The following RBFOX1 variants were observed in gnomAD, a reference collection of about 807,000 sequenced individuals.
The protein encoded by RBFOX1 is RNA binding fox-1 homolog 1, also known as RNA binding protein fox-1 homolog 1.
RBFOX1 carries 8 observed loss-of-function variants against 57.7 expected under a neutral mutation model. That is an observed-to-expected ratio of 0.14 (90% CI 0.08 to 0.25). The LOEUF (loss-of-function observed/expected upper bound fraction) is 0.25. Among genes scored for constraint, RBFOX1 ranks in the 10% least tolerant of loss-of-function variants. The pLI is 1.00. For missense variants in RBFOX1, 611 were observed against 548.5 expected (o/e 1.11, Z -1.14); for synonymous variants, 326 against 222.4 (o/e 1.47, Z -4.15).
chr16:7,308,583 G>A (rs2096245698), intron 4 of RBFOX1, among the ~76,000 whole-genome samples: 2 of 152,168 alleles, frequency 1.3e-5, no homozygotes, highest in Admixed American at 6.5e-5. Context: ...TGATCCATGT[G>A]GTTTGTTTTA....
intron 4 of RBFOX1, among the ~76,000 whole-genome samples, chr16:5,881,494 A>C (rs576279208): frequency 3.5e-4 from 53 of 152,116 alleles, no homozygotes; most frequent in African/African-American, 1.3e-3. Context: ...AACCTGGCCA[A>C]CATGATGAAA....
chr16:7,467,827 T>C (rs2060809330), intron 4 of RBFOX1, among the ~76,000 whole-genome samples: 1 of 152,210 alleles, frequency 6.6e-6, no homozygotes, highest in South Asian at 2.1e-4. Context: ...TACAGAGTCC[T>C]TCTTTGTTTC....
chr16:5,550,332 T>C (rs2045411726), intron 2 of RBFOX1, among the ~76,000 whole-genome samples: 1 of 152,134 alleles, frequency 6.6e-6, no homozygotes, highest in South Asian at 2.1e-4. Context: ...TTTCCCTGTC[T>C]TACCCACCAC....
intron 1 of RBFOX1, among the ~76,000 whole-genome samples, chr16:5,301,618 C>CAAAAAAAAAAAAAAAAAA (rs60501583): frequency 1.1e-5 from 1 of 87,050 alleles, no homozygotes; most frequent in Non-Finnish European, 2.1e-5. Context: ...GTCTCCATCT[C>CAAAAAAAAAAAAAAAAAA]AAAAAAAAAA....
chr16:6,023,859 C>A (rs754046388), intron 1 of RBFOX1, among the ~76,000 whole-genome samples: 4 of 152,194 alleles, frequency 2.6e-5, no homozygotes. Context: ...TGTCTACCTC[C>A]ATTATTTAAA....
chr16:7,506,481 G>A (rs903400185), intron 4 of RBFOX1, among the ~76,000 whole-genome samples: 7 of 152,080 alleles, frequency 4.6e-5, no homozygotes, highest in African/African-American at 1.7e-4. Context: ...TATGCTTGGT[G>A]CTTAGAACAA....
At chr16:7,684,708 T>C (rs1048898711) in intron 14 of RBFOX1, among the ~76,000 whole-genome samples, 4 of 152,106 alleles carry the variant, frequency 2.6e-5, no homozygotes, top group African/African-American at 9.7e-5. Flanking sequence ...ATTTAAAATT[T>C]TAGAATGTAT....
intron 5 of RBFOX1, among the ~76,000 whole-genome samples, chr16:7,551,091 AAAAAAAAAAAAAAAG>A (rs1291827374): frequency 1.4e-5 from 2 of 147,806 alleles, no homozygotes; most frequent in Admixed American, 1.3e-4. Context: ...CGAGACTCAA[AAAAAAAAAAAAAAAG>A]AAAAAAAAAG....
At chr16:6,829,428 A>T (rs552627493) in intron 3 of RBFOX1, among the ~76,000 whole-genome samples, 4 of 149,472 alleles carry the variant, frequency 2.7e-5, no homozygotes, top group South Asian at 4.3e-4. Flanking sequence ...CTATTTGTAG[A>T]TTTCTTGGGT....
intron 1 of RBFOX1, among the ~76,000 whole-genome samples, chr16:6,263,878 G>T (rs919913592): frequency 6.6e-6 from 1 of 152,194 alleles, no homozygotes; most frequent in Admixed American, 6.5e-5. Context: ...AGTGTTGGTA[G>T]CAGTGGCCAC....
At chr16:6,637,745 C>A (rs888417333) in intron 2 of RBFOX1, among the ~76,000 whole-genome samples, 2 of 151,514 alleles carry the variant, frequency 1.3e-5, no homozygotes, top group African/African-American at 4.9e-5. Context: ...TGTAATACAT[C>A]TACATCTCTT....
At chr16:7,598,703 G>A (rs2094843568) in intron 9 of RBFOX1, among the ~76,000 whole-genome samples, 2 of 152,090 alleles carry the variant, frequency 1.3e-5, no homozygotes, top group Non-Finnish European at 1.5e-5. Flanking sequence ...ATTTTTATGT[G>A]AATGATATAA....
At chr16:6,022,830 C>G (rs79582149) in intron 1 of RBFOX1, among the ~76,000 whole-genome samples, 2,049 of 152,228 alleles carry the variant, frequency 0.013, 49 homozygotes, top group African/African-American at 0.046. Flanking sequence ...TACCTTGATC[C>G]AGTTTTTAGA....
At chr16:6,403,529 A>T (rs1201402320) in intron 2 of RBFOX1, among the ~76,000 whole-genome samples, 1 of 151,926 alleles carries the variant, frequency 6.6e-6, no homozygotes, top group Non-Finnish European at 1.5e-5. Context: ...ACAGTTGCCT[A>T]ATTTTTTAAT....
intron 4 of RBFOX1, among the ~76,000 whole-genome samples, chr16:7,141,931 C>G (rs962074263): frequency 2.0e-5 from 3 of 152,188 alleles, no homozygotes; most frequent in Admixed American, 6.5e-5. Flanking sequence ...CCCCTTCCCC[C>G]TTAAGATGTT....
intron 14 of RBFOX1, among the ~76,000 whole-genome samples, chr16:7,700,931 T>C (rs2080477321): frequency 6.6e-6 from 1 of 152,116 alleles, no homozygotes; most frequent in Non-Finnish European, 1.5e-5. Flanking sequence ...GATGCCACAG[T>C]GTTGGATTTG....
chr16:7,540,525 G>A (rs1020707581), intron 5 of RBFOX1, among the ~76,000 whole-genome samples: 6 of 152,196 alleles, frequency 3.9e-5, no homozygotes, highest in African/African-American at 1.4e-4. Context: ...ACATGTCAAT[G>A]ATTGCAGAGT....
At chr16:7,603,970 T>C (rs1440285312) in intron 9 of RBFOX1, among the ~76,000 whole-genome samples, 1 of 152,150 alleles carries the variant, frequency 6.6e-6, no homozygotes, top group African/African-American at 2.4e-5. Context: ...GCATTTCTGC[T>C]GTTGAACTTG....
intron 7 of RBFOX1, among the ~76,000 whole-genome samples, chr16:7,589,563 C>T (rs1444884509): frequency 2.0e-5 from 3 of 149,814 alleles, no homozygotes; most frequent in Non-Finnish European, 1.5e-5. Flanking sequence ...GGTATGCGCC[C>T]TCTGAAAGAG....
Sources: allele counts gnomAD v4.1 joint callset (sites outside exome capture counted in the v4.1 genomes callset), GRCh38; gene constraint gnomAD v4.1.1; transcripts MANE v1.5; gene names NCBI Gene and HGNC (gene_info 2026-07-23, HGNC 2026-07-21).